LIPC: variants seen among roughly 807,000 people sequenced by gnomAD.
LIPC encodes hepatic triacylglycerol lipase.
A neutral mutation model predicts 50.7 loss-of-function variants in LIPC; 44 were observed. That is an observed-to-expected ratio of 0.87 (90% confidence interval 0.68 to 1.11). The LOEUF (loss-of-function observed/expected upper bound fraction) is 1.11, where lower values mean the gene tolerates loss of function less well. Among genes scored for constraint, LIPC ranks in the 50% most tolerant of loss-of-function variants. The pLI is 0.00. For synonymous variants in LIPC, 271 were observed against 256.4 expected (o/e 1.06, Z -0.54); for missense variants, 697 against 648.2 (o/e 1.08, Z -0.82).
chr15:58,493,557 A>ATAAATAAAATTTATACAAAATTTATTACG (rs1566928179), intron 1 of LIPC, among the ~76,000 whole-genome samples: 99 of 24,900 alleles, frequency 4.0e-3, no homozygotes, highest in African/African-American at 8.7e-3. Context: ...AATTTATTAC[A>ATAAATAAAATTTATACAAAATTTATTACG]TATAAATAAA....
chr15:58,541,866 C>G lies in LIPC; in HGVS notation c.355C>G (p.Leu119Val). The change falls in exon 3 of 9, where the codon CTG becomes GTG. Residue 119 changes from leucine to valine, a missense_variant. By Grantham distance (32) the Leu-to-Val change is conservative (BLOSUM62 1). Transcript: ENST00000299022. ...SQPAQPVNVG[L>V]VDWITLAHDH... ...GCCGGCCCAGCCAGTGAACGTGGGG[C>G]TGGTGGACTGGATCACCCTGGCCCA... 1 of 1,612,846 alleles carries G rather than the reference C, an allele frequency of 6.2e-7. No individual in the cohort carries two copies. Among genetic ancestry groups the G allele is most frequent in the Non-Finnish European group, 8.5e-7 (1 of 1,179,992 alleles).
chr15:58,446,924 G>C (rs1245933496), intron 1 of LIPC, among the ~76,000 whole-genome samples: 2 of 152,054 alleles, frequency 1.3e-5, no homozygotes, highest in African/African-American at 2.4e-5. Context: ...GAGGCAGGCA[G>C]ATCACTTGAG....
chr15:58,512,650 C>T (rs924335423), intron 1 of LIPC, among the ~76,000 whole-genome samples: 7 of 152,164 alleles, frequency 4.6e-5, no homozygotes, highest in African/African-American at 1.7e-4. Flanking sequence ...GAGTCTCAGA[C>T]CTGTCCCACC....
Position 58,541,817 on chromosome 15 carries a change from G to A in LIPC, c.306G>A (p.Gln102=), listed in dbSNP as rs1465013580. The A allele has an allele frequency of 1.2e-6, 2 of 1,613,612 alleles. No individual in the cohort carries two copies. Among genetic ancestry groups the A allele is most frequent in the East Asian group, 2.2e-5 (1 of 44,886 alleles). The change falls in exon 3 of 9, where the codon CAG becomes CAA. Residue 102 remains glutamine, a synonymous_variant. Transcript: ENST00000299022. ...VDGVLENWIW[Q]MVAALKSQPA... is the part of the protein sequence containing the mutation. ...GCGTGCTAGAAAACTGGATCTGGCA[G>A]ATGGTGGCCGCGCTGAAGTCTCAGC...
At position 58,520,119 on chromosome 15, in the gene LIPC, T is replaced by G. The variant is rs891760410; in HGVS notation, c.89-18214T>G. Among the ~76,000 whole-genome samples, 5 of 147,150 alleles carry G rather than the reference T, an allele frequency of 3.4e-5. 1 individual carries two copies. The highest frequency in any genetic ancestry group is 1.3e-4 in the African/African-American group (5 of 39,736). ...CACCTCAGGTTTTGGGCTGTTTTTT[T>G]TTTGTTTTTTTTTTAATCTGTTAAT... is the stretch of plus-strand genomic sequence containing the variant. On this transcript the variant is annotated intron_variant, in intron 1 of 8. Coordinates refer to ENST00000299022, the MANE Select transcript of LIPC (RefSeq NM_000236.3).
intron 6 of LIPC, among the ~76,000 whole-genome samples, chr15:58,559,829 A>C (rs1474128765): frequency 6.6e-6 from 1 of 152,244 alleles, no homozygotes; most frequent in African/African-American, 2.4e-5. Context: ...AAGAAGTCCA[A>C]GCAGTAATCA....
At chr15:58,510,486 C>T (rs961141162) in intron 1 of LIPC, among the ~76,000 whole-genome samples, 1 of 152,208 alleles carries the variant, frequency 6.6e-6, no homozygotes, top group African/African-American at 2.4e-5. Flanking sequence ...AACCATCATC[C>T]TATGTTTTCT....
intron 1 of LIPC, among the ~76,000 whole-genome samples, chr15:58,468,190 C>A (rs1369881093): frequency 6.6e-6 from 1 of 152,162 alleles, no homozygotes; most frequent in African/African-American, 2.4e-5. Flanking sequence ...TTGGCTTACC[C>A]TTGTCTATAC....
At chr15:58,489,177 T>C (rs1891480244) in intron 1 of LIPC, among the ~76,000 whole-genome samples, 1 of 131,380 alleles carries the variant, frequency 7.6e-6, no homozygotes, top group Admixed American at 8.7e-5. Flanking sequence ...AGCATCTTTC[T>C]GCTGGCCTGA....
intron 8 of LIPC, among the ~76,000 whole-genome samples, chr15:58,568,473 C>T (rs569979561): frequency 1.3e-5 from 2 of 152,340 alleles, no homozygotes; most frequent in South Asian, 4.1e-4. Flanking sequence ...CCAGGACTTT[C>T]CTTCTTACAG....
rs545245891 is a variant in LIPC at position 58,466,591 on chromosome 15, T to C, written c.88+34471T>C. ...CTAGCATCACAGGTAAGAAACAAGC[T>C]GCGAAGACCAAAATTCTTCTCTGGT... On this transcript the variant is annotated intron_variant, in intron 1 of 8. Coordinates refer to ENST00000299022, the MANE Select transcript of LIPC (RefSeq NM_000236.3). Among the ~76,000 whole-genome samples the C allele has an allele frequency of 6.6e-5, 10 of 152,344 alleles. No individual in the cohort carries two copies. The South Asian group carries it at 2.1e-3, about 32-fold the overall frequency.
chr15:58,482,103 T>A (rs1425530573), intron 1 of LIPC, among the ~76,000 whole-genome samples: 1 of 152,210 alleles, frequency 6.6e-6, no homozygotes, highest in African/African-American at 2.4e-5. Context: ...TTCTTTTAAA[T>A]TTTAACTTTA....
chr15:58,519,600 TCTTCAGTTC>T (rs779294832), intron 1 of LIPC, among the ~76,000 whole-genome samples: 3 of 152,202 alleles, frequency 2.0e-5, no homozygotes, highest in Non-Finnish European at 4.4e-5. Flanking sequence ...TTCTCTGTCT[TCTTCAGTTC>T]CTTCCAGGTT....
intron 5 of LIPC, 88 bp downstream of exon 5, chr15:58,546,063 C>T: frequency 2.6e-6 from 3 of 1,147,220 alleles, no homozygotes; most frequent in Non-Finnish European, 2.6e-6. Flanking sequence ...ATACGGGACT[C>T]AGGGAAGAGT....
intron 1 of LIPC, among the ~76,000 whole-genome samples, chr15:58,487,641 T>C (rs1891423592): frequency 6.6e-6 from 1 of 152,154 alleles, no homozygotes; most frequent in Non-Finnish European, 1.5e-5. Flanking sequence ...AATTCCAGAG[T>C]ACATGCCATC....
intron 1 of LIPC, among the ~76,000 whole-genome samples, chr15:58,502,971 A>AC (rs1345089089): frequency 5.7e-4 from 87 of 151,570 alleles, no homozygotes; most frequent in Middle Eastern, 3.4e-3. Flanking sequence ...AAAAAAAAAA[A>AC]AGCCCAGGTG....
chr15:58,494,618 T>C (rs1360205128), intron 1 of LIPC, among the ~76,000 whole-genome samples: 3 of 152,242 alleles, frequency 2.0e-5, no homozygotes, highest in Non-Finnish European at 4.4e-5. Flanking sequence ...TCCTATTCTG[T>C]TGAGCTAACA....
intron 1 of LIPC, among the ~76,000 whole-genome samples, chr15:58,463,971 T>C (rs1284741630): frequency 1.3e-5 from 2 of 152,086 alleles, no homozygotes; most frequent in East Asian, 3.8e-4. Flanking sequence ...GAGTCCACAA[T>C]GACAGGTTTC....
chr15:58,509,573 C>A (rs1892269876), intron 1 of LIPC, among the ~76,000 whole-genome samples: 1 of 152,090 alleles, frequency 6.6e-6, no homozygotes, highest in South Asian at 2.1e-4. Context: ...TTTTTCCCTG[C>A]AAAATTCATT....
Sources: allele counts gnomAD v4.1 joint callset (sites outside exome capture counted in the v4.1 genomes callset), GRCh38; gene constraint gnomAD v4.1.1; transcripts MANE v1.5; gene names NCBI Gene and HGNC (gene_info 2026-07-23, HGNC 2026-07-21).